RTN4: variants seen among roughly 807,000 people sequenced by gnomAD.
RTN4 encodes reticulon 4.
Under a neutral mutation model 90.4 loss-of-function variants are expected in RTN4, and 32 were observed. The observed-to-expected ratio is 0.35, with a 90% CI of 0.27 to 0.48. RTN4 has a LOEUF of 0.48. Among genes scored for constraint, RTN4 ranks in the 20% least tolerant of loss-of-function variants. The pLI is 0.99. For missense variants in RTN4, 1,706 were observed against 1,430.2 expected, an observed-to-expected ratio of 1.19 and a Z score of -3.11; for synonymous variants, 629 against 552.5, an observed-to-expected ratio of 1.14 and a Z score of -1.94.
intron 1 of RTN4, among the ~76,000 whole-genome samples, chr2:55,084,181 G>A (rs1474537882): frequency 2.0e-5 from 3 of 152,064 alleles, no homozygotes; most frequent in Non-Finnish European, 4.4e-5. Flanking sequence ...GAGAGCTTCC[G>A]GGTTGCTGAA....
intron 2 of RTN4, among the ~76,000 whole-genome samples, chr2:55,061,559 A>G (rs1211779067): frequency 1.3e-5 from 2 of 152,192 alleles, no homozygotes; most frequent in Admixed American, 1.3e-4. Context: ...TCTTTGAAAT[A>G]TATCAGTCCC....
At chr2:54,988,073 G>C (rs1297045505) in intron 3 of RTN4, among the ~76,000 whole-genome samples, 1 of 152,180 alleles carries the variant, frequency 6.6e-6, no homozygotes, top group Non-Finnish European at 1.5e-5. Context: ...TCCCAGCACT[G>C]TGGGAGGCTG....
rs1371556478 is a variant in RTN4 at position 55,039,428 on chromosome 2, AATTCTG to A, written c.556+10311_556+10316del. On this transcript the variant is annotated intron_variant, in intron 1 of 8. Coordinates refer to ENST00000337526, the MANE Select transcript of RTN4 (RefSeq NM_020532.5). The stretch of plus-strand genomic sequence containing the variant: ...TATTGTAATATGTGGACCTTACTCG[AATTCTG>A]ATTCTAACTGTAAAAATAAAAAGAA... Among the ~76,000 whole-genome samples the A allele has an allele frequency of 7.2e-5, 11 of 152,324 alleles. No individual in the cohort carries two copies. In the Middle Eastern group the frequency reaches 0.014, roughly 188 times the overall value.
At chr2:55,077,207 G>A (rs1275731868) in intron 2 of RTN4, among the ~76,000 whole-genome samples, 2 of 152,036 alleles carry the variant, frequency 1.3e-5, no homozygotes, top group South Asian at 2.1e-4. Flanking sequence ...TAGAGACGGG[G>A]TTTCACCGTG....
chr2:55,087,333 C>A (rs974463935), intron 1 of RTN4, among the ~76,000 whole-genome samples: 24 of 152,190 alleles, frequency 1.6e-4, no homozygotes, highest in Admixed American at 1.4e-3. Flanking sequence ...CAACCACTAG[C>A]AGTTGATGAG....
intron 1 of RTN4, among the ~76,000 whole-genome samples, chr2:55,095,255 C>G (rs528303749): frequency 6.6e-6 from 1 of 151,426 alleles, no homozygotes; most frequent in Non-Finnish European, 1.5e-5. Flanking sequence ...ACCTGGCAGG[C>G]GGAAATTGCA....
intron 3 of RTN4, among the ~76,000 whole-genome samples, chr2:54,988,161 AC>A (rs1678719975): frequency 6.6e-6 from 1 of 152,206 alleles, no homozygotes; most frequent in African/African-American, 2.4e-5. Context: ...TACTGAAAAT[AC>A]AAAAATTAGT....
In RTN4 at chr2:55,027,207, A is replaced by C; in HGVS notation, c.892T>G (p.Ser298Ala). ...DLTEFSELEY[S>A]EMGSSFSVSP... ...ACACTGAACGATGATCCCATTTCTG[A>C]GTATTCTAATTCTGAAAACTCTGTT... Residue 298 changes from serine to alanine, a missense_variant, in exon 3 of 9, where the codon TCA becomes GCA. Transcript: ENST00000337526. The C allele has an allele frequency of 1.2e-6, 2 of 1,613,710 alleles. No individual in the cohort carries two copies. Among genetic ancestry groups the C allele is most frequent in the Non-Finnish European group, 1.7e-6 (2 of 1,179,822 alleles).
At chr2:55,052,031 G>A (rs367895446), upstream of RTN4, among the ~76,000 whole-genome samples, 1 of 152,082 alleles carries the variant, frequency 6.6e-6, no homozygotes, top group African/African-American at 2.4e-5. Context: ...GGCTTAATTT[G>A]GGTATTAAAA....
chr2:55,080,902 G>T (rs984691035), intron 1 of RTN4, among the ~76,000 whole-genome samples: 1 of 152,070 alleles, frequency 6.6e-6, no homozygotes, highest in Non-Finnish European at 1.5e-5. Flanking sequence ...TAAAGAATGC[G>T]CAATCTTTAT....
At chr2:55,021,024 A>C (rs1681390699) in intron 3 of RTN4, among the ~76,000 whole-genome samples, 1 of 152,176 alleles carries the variant, frequency 6.6e-6, no homozygotes, top group Non-Finnish European at 1.5e-5. Context: ...CATATGAGAT[A>C]ATAAATGATC....
chr2:55,016,688 T>C (rs2104818367), intron 3 of RTN4, among the ~76,000 whole-genome samples: 1 of 152,352 alleles, frequency 6.6e-6, no homozygotes, highest in Non-Finnish European at 1.5e-5. Context: ...TTATAATTTT[T>C]TTCATCTCAA....
chr2:55,131,042 G>A, the RTN4 span, among the ~76,000 whole-genome samples: 5,589 of 152,154 alleles, frequency 0.037, 374 homozygotes, highest in African/African-American at 0.12. Flanking sequence ...AATTCACTAC[G>A]TATTGTATGA....
At chr2:55,052,670 A>G (rs540168312), upstream of RTN4, among the ~76,000 whole-genome samples, 13 of 152,352 alleles carry the variant, frequency 8.5e-5, no homozygotes, top group South Asian at 2.7e-3. Context: ...TACAAGAGAC[A>G]TATTTGAAGT....
At chr2:55,072,471 C>T (rs1043372412) in intron 2 of RTN4, among the ~76,000 whole-genome samples, 12 of 152,278 alleles carry the variant, frequency 7.9e-5, no homozygotes, top group African/African-American at 2.2e-4. Context: ...CCTCGTGATC[C>T]GCCTGCCTCA....
chr2:54,991,316 C>G (rs1262784195), intron 3 of RTN4, among the ~76,000 whole-genome samples: 2 of 152,180 alleles, frequency 1.3e-5, no homozygotes, highest in Non-Finnish European at 2.9e-5. Flanking sequence ...TCTAATCAAA[C>G]TTCCTAATAT....
At chr2:55,111,155 T>A (rs1668032281) in intron 1 of RTN4, among the ~76,000 whole-genome samples, 2 of 152,230 alleles carry the variant, frequency 1.3e-5, no homozygotes, top group African/African-American at 4.8e-5. Context: ...CTTGCTTGCT[T>A]GCTAACCTTG....
chr2:55,132,234 G>A, the RTN4 span, among the ~76,000 whole-genome samples: 1 of 152,188 alleles, frequency 6.6e-6, no homozygotes, highest in African/African-American at 2.4e-5. Flanking sequence ...CAGGCGCAGT[G>A]GCTCATGCTT....
intron 3 of RTN4, among the ~76,000 whole-genome samples, chr2:54,990,943 C>T (rs1463670447): frequency 1.3e-5 from 2 of 151,924 alleles, no homozygotes; most frequent in East Asian, 1.9e-4. Context: ...CCACCATGCC[C>T]GGCTGATTTT....
Sources: gnomAD v4.1 joint callset for allele counts (sites outside exome capture counted in the v4.1 genomes callset) on GRCh38, gnomAD v4.1.1 for gene constraint, MANE v1.5 for transcripts, NCBI Gene and HGNC (gene_info 2026-07-23, HGNC 2026-07-21) for gene names.